Variants in TFCP2 observed in about 807,000 individuals in gnomAD.
TFCP2 encodes alpha-globin transcription factor CP2.
TFCP2 carries 33 observed loss-of-function variants against 73.4 expected under a neutral mutation model. That is an observed-to-expected ratio of 0.45 (90% CI 0.34 to 0.60). The LOEUF (loss-of-function observed/expected upper bound fraction) is 0.60. Among genes scored for constraint, TFCP2 ranks in the 20% least tolerant of loss-of-function variants. TFCP2 has a pLI of 0.01. For synonymous variants in TFCP2, 193 were observed against 211.6 expected, an observed-to-expected ratio of 0.91 and a Z score of 0.76; for missense variants, 352 against 604.0, an observed-to-expected ratio of 0.58 and a Z score of 4.37.
chr12:51,163,282 CCT>C (rs1941687081), intron 1 of TFCP2, among the ~76,000 whole-genome samples: 1 of 151,564 alleles, frequency 6.6e-6, no homozygotes. Flanking sequence ...AGAGCAAGAC[CCT>C]GTCTTAAAAA....
At position 51,151,573 on chromosome 12, in the gene TFCP2, A is replaced by T. The variant is rs184443511; in HGVS notation, c.122+20728T>A. Among the ~76,000 whole-genome samples, 399 of 152,182 alleles carry T rather than the reference A, an allele frequency of 2.6e-3. 4 individuals carry two copies. The highest frequency in any genetic ancestry group is 9.1e-3 in the African/African-American group (379 of 41,534). On this transcript the variant is annotated intron_variant, in intron 1 of 14. Coordinates refer to ENST00000257915, the MANE Select transcript of TFCP2 (RefSeq NM_005653.5). ...TGCCTCAGCCTCTCAAGTAGCTAGG[A>T]CTACAGGCGCCCGCCACCACGCCCG... is the stretch of plus-strand genomic sequence containing the variant.
intron 1 of TFCP2, among the ~76,000 whole-genome samples, chr12:51,135,803 C>T (rs1236435338): frequency 6.6e-6 from 1 of 152,034 alleles, no homozygotes; most frequent in Non-Finnish European, 1.5e-5. Context: ...AGTGAGCTAT[C>T]TTGAAACATT....
rs532575588 is a variant in TFCP2, at chr12:51,115,424, T to C, written c.457+891A>G. ...CGTGAGCCATCGCGCCCGGCCGAAA[T>C]TGGAACCTTTGAGTACCGCTGGTAG... is the stretch of plus-strand genomic sequence containing the variant. On this transcript the variant is annotated intron_variant, in intron 4 of 14. Coordinates refer to ENST00000257915, the MANE Select transcript of TFCP2 (RefSeq NM_005653.5). 1.1e-4 allele frequency among the ~76,000 whole-genome samples: 17 copies of C among 152,206 alleles called. No individual in the cohort carries two copies. In the South Asian group the frequency reaches 3.5e-3, roughly 32 times the overall value.
chr12:51,126,425 A>C (rs923145024), intron 1 of TFCP2, among the ~76,000 whole-genome samples: 19 of 152,128 alleles, frequency 1.2e-4, no homozygotes, highest in African/African-American at 9.7e-5. Context: ...TGTAACTAGG[A>C]TTCCACAAAG....
Position 51,106,590 on chromosome 12 carries a change from C to CT in TFCP2, c.851_852insA (p.Tyr285ValfsTer4). ...CAGGTGATGGGGAGTTATTGACATA[C>CT]GTGATCTCGGGCCATGGAGAACACT... On this transcript the variant is annotated frameshift_variant, in exon 8 of 15. Coordinates refer to ENST00000257915, the MANE Select transcript of TFCP2 (RefSeq NM_005653.5). LOFTEE classifies it high-confidence loss of function. 1 of 1,613,354 alleles carries CT rather than the reference C, an allele frequency of 6.2e-7. No homozygotes were observed.
intron 1 of TFCP2, among the ~76,000 whole-genome samples, chr12:51,133,921 C>A (rs1209419594): frequency 9.5e-4 from 92 of 96,984 alleles, no homozygotes; most frequent in Admixed American, 1.8e-3. Context: ...GACCCTGTCT[C>A]AAAAAAAAAA....
At chr12:51,109,715 ATT>A (rs10531546) in intron 5 of TFCP2, among the ~76,000 whole-genome samples, 58,269 of 135,346 alleles carry the variant, frequency 0.43, 13,298 homozygotes, top group Non-Finnish European at 0.55. Flanking sequence ...AGATTGGTGA[ATT>A]TTTTTTTTTT....
rs1941628464 is a variant in TFCP2, at chr12:51,160,652, T to A, written c.122+11649A>T. 2.0e-5 allele frequency among the ~76,000 whole-genome samples: 3 copies of A among 152,116 alleles called. No homozygotes were observed. In the South Asian group the frequency reaches 6.2e-4, roughly 32 times the overall value. On this transcript the variant is annotated intron_variant, in intron 1 of 14. Coordinates refer to ENST00000257915, the MANE Select transcript of TFCP2 (RefSeq NM_005653.5). ...AGGTCAAGATGACAGAGTAGGAACTTCAGGAGTTAGTATCTTCACCAAAGT... is the reference window on the plus strand; with the variant it reads ...AGGTCAAGATGACAGAGTAGGAACTACAGGAGTTAGTATCTTCACCAAAGT...
In TFCP2 at chr12:51,104,184, G is replaced by T. The variant is rs755697987; in HGVS notation, c.937C>A (p.Gln313Lys). Residue 313 changes from glutamine (Q) to lysine (K), a missense_variant, in exon 9 of 15, where the codon CAG becomes AAG. Gln to Lys is a moderately conservative substitution (Grantham distance 53, BLOSUM62 1). Transcript: ENST00000257915. The part of the protein sequence containing the change: ...LGEGNGSPNH[Q>K]PEPPPPVTDN... ...GTGACTGGAGGGGGTGGCTCTGGCT[G>T]GTGGTTTGGTGAACCATTTCTAAAG... 1 of 1,613,984 alleles carries T rather than the reference G, an allele frequency of 6.2e-7. No homozygotes were observed.
intron 1 of TFCP2, among the ~76,000 whole-genome samples, chr12:51,131,605 T>C (rs1034885697): frequency 1.3e-5 from 2 of 152,190 alleles, no homozygotes; most frequent in Admixed American, 6.5e-5. Flanking sequence ...TCTCAGATCT[T>C]CTAAACTGTC....
At chr12:51,102,898 G>T (rs1033698959) in intron 10 of TFCP2, among the ~76,000 whole-genome samples, 1 of 148,932 alleles carries the variant, frequency 6.7e-6, no homozygotes. Flanking sequence ...GTTTTGTTTC[G>T]GTGCTTTTTT....
In TFCP2 at chr12:51,172,485, A is replaced by T; in HGVS notation, c.-63T>A. 6.2e-7 allele frequency: 1 copy of T among 1,604,120 alleles called. No individual in the cohort carries two copies. Among genetic ancestry groups the T allele is most frequent in the Non-Finnish European group, 8.5e-7 (1 of 1,176,168 alleles). ...GTACAAAGGCGCGGAGGGTAATTCT[A>T]CCCAACAGGAGTAACGCAAACCAAG... On this transcript the variant is annotated 5_prime_UTR_variant, in exon 1 of 15. Transcript: ENST00000257915.
intron 4 of TFCP2, among the ~76,000 whole-genome samples, chr12:51,113,256 T>C (rs1487112126): frequency 1.3e-5 from 2 of 152,324 alleles, no homozygotes; most frequent in African/African-American, 4.8e-5. Context: ...GTAAAATTAG[T>C]AGCAGTTAAA....
chr12:51,113,438 A>T (rs1940447305), intron 4 of TFCP2, among the ~76,000 whole-genome samples: 1 of 152,202 alleles, frequency 6.6e-6, no homozygotes. Context: ...GACACAACTT[A>T]ACTGCAAACC....
At chr12:51,171,379 T>C (rs1199843491) in intron 1 of TFCP2, among the ~76,000 whole-genome samples, 27 of 152,184 alleles carry the variant, frequency 1.8e-4, no homozygotes, top group Admixed American at 1.8e-3. Flanking sequence ...GTTTTTGTTT[T>C]GTTTTGCTTT....
At chr12:51,120,909 CA>C (rs35941534) in intron 1 of TFCP2, among the ~76,000 whole-genome samples, 104 of 78,714 alleles carry the variant, frequency 1.3e-3, no homozygotes, top group African/African-American at 3.0e-3. Flanking sequence ...GACTGTGTCT[CA>C]AAAAAAAAAA....
chr12:51,099,012 T>A, intron 12 of TFCP2, 94 bp from the exon 13 acceptor site: 1 of 1,362,992 alleles, frequency 7.3e-7, no homozygotes, highest in Non-Finnish European at 1.0e-6. Context: ...TCTGAAGGAC[T>A]CAGAAATCAC....
At chr12:51,098,430 A>C (rs1335934215) in intron 13 of TFCP2, among the ~76,000 whole-genome samples, 1 of 151,792 alleles carries the variant, frequency 6.6e-6, no homozygotes, top group Non-Finnish European at 1.5e-5. Context: ...GTTTGAGACC[A>C]ACCTGGCCAA....
intron 1 of TFCP2, among the ~76,000 whole-genome samples, chr12:51,155,498 TAAC>T (rs1281890492): frequency 6.6e-6 from 1 of 152,226 alleles, no homozygotes; most frequent in East Asian, 1.9e-4. Context: ...TTGACACGAC[TAAC>T]AACAGTGTAC....
Sources: gnomAD v4.1 joint callset for allele counts (sites outside exome capture counted in the v4.1 genomes callset) on GRCh38, gnomAD v4.1.1 for gene constraint, MANE v1.5 for transcripts, NCBI Gene and HGNC (gene_info 2026-07-23, HGNC 2026-07-21) for gene names.